The following SMARCA2 variants were observed in gnomAD, a reference collection of about 807,000 sequenced individuals.
The protein encoded by SMARCA2 is SWI/SNF-related matrix-associated actin-dependent regulator of chromatin subfamily A member 2.
In SMARCA2, 61 loss-of-function variants were observed where a neutral mutation model predicts 199.8. The ratio of observed to expected loss-of-function variants is 0.31; its 90% confidence interval spans 0.25 to 0.38. The LOEUF (loss-of-function observed/expected upper bound fraction) is 0.38. Among genes scored for constraint, SMARCA2 ranks in the 10% least tolerant of loss-of-function variants. SMARCA2 has a pLI of 1.00. For missense variants in SMARCA2, 1,344 were observed against 2,012.2 expected (o/e 0.67, Z 6.35); for synonymous variants, 935 against 732.0 (o/e 1.28, Z -4.48).
chr9:2,087,175 C>A, intron 18 of SMARCA2, 104 bp downstream of exon 18: 3 of 1,391,412 alleles, frequency 2.2e-6, no homozygotes, highest in Non-Finnish European at 3.0e-6. Flanking sequence ...AGGGTGGTTT[C>A]CACTGTTGTT....
At chr9:2,078,341 A>G (rs1027471318) in intron 14 of SMARCA2, among the ~76,000 whole-genome samples, 6 of 151,752 alleles carry the variant, frequency 4.0e-5, no homozygotes, top group South Asian at 4.2e-4. Context: ...GTGTGGTGGC[A>G]CATGCCTGTA....
intron 3 of SMARCA2, 136 bp downstream of exon 3, chr9:2,033,217 A>G: frequency 1.1e-6 from 1 of 898,798 alleles, no homozygotes; most frequent in Non-Finnish European, 1.7e-6. Flanking sequence ...TCCTTATGGA[A>G]ATCTACCTCC....
intron 17 of SMARCA2, among the ~76,000 whole-genome samples, chr9:2,084,918 T>C (rs1821736183): frequency 6.6e-6 from 1 of 152,240 alleles, no homozygotes; most frequent in Admixed American, 6.5e-5. Flanking sequence ...GGAAGTGCTC[T>C]CTTTCGTGGA....
intron 23 of SMARCA2, among the ~76,000 whole-genome samples, chr9:2,105,412 A>T (rs971519707): frequency 2.1e-4 from 31 of 146,062 alleles, no homozygotes; most frequent in African/African-American, 7.5e-4. Flanking sequence ...CGCCCGGCTA[A>T]TTTTTTTTTT....
chr9:2,024,953 G>A (rs1295353763), intron 1 of SMARCA2, among the ~76,000 whole-genome samples: 1 of 152,188 alleles, frequency 6.6e-6, no homozygotes, highest in Non-Finnish European at 1.5e-5. Context: ...GGGGTCTTTG[G>A]TGTTTCTGTT....
intron 5 of SMARCA2, among the ~76,000 whole-genome samples, chr9:2,052,945 A>G (rs1302583903): frequency 1.3e-5 from 2 of 152,206 alleles, no homozygotes; most frequent in African/African-American, 4.8e-5. Flanking sequence ...TCATGTTTGG[A>G]AAAAACTGTA....
At chr9:2,111,638 TGGCAG>T (rs1394521002) in intron 24 of SMARCA2, among the ~76,000 whole-genome samples, 2 of 152,100 alleles carry the variant, frequency 1.3e-5, no homozygotes, top group African/African-American at 4.8e-5. Flanking sequence ...GAAGACTGAG[TGGCAG>T]TGCCATATAG....
chr9:2,096,301 T>C (rs1195968610), intron 19 of SMARCA2, among the ~76,000 whole-genome samples: 1 of 152,224 alleles, frequency 6.6e-6, no homozygotes, highest in East Asian at 1.9e-4. Flanking sequence ...AAAGGAAGTA[T>C]AATTGGGAAG....
chr9:2,143,810 T>C (rs771137465), intron 27 of SMARCA2, among the ~76,000 whole-genome samples: 5 of 152,208 alleles, frequency 3.3e-5, no homozygotes, highest in South Asian at 2.1e-4. Context: ...GAATTCCCAA[T>C]TGGTGACTCC....
intron 17 of SMARCA2, among the ~76,000 whole-genome samples, chr9:2,085,540 C>T (rs776975339): frequency 1.1e-4 from 17 of 152,142 alleles, no homozygotes; most frequent in Non-Finnish European, 1.9e-4. Flanking sequence ...TTTTTGTCTG[C>T]TTGCCTCTTT....
Position 2,084,370 on chromosome 9 carries a change from CTGTGTGTGTG to C in SMARCA2, c.2526+212_2526+221del, listed in dbSNP as rs3057851. Among the ~76,000 whole-genome samples the C allele has an allele frequency of 0.041, 5,461 of 132,372 alleles. 151 individuals carry two copies. The highest frequency in any genetic ancestry group is 0.077 in the African/African-American group (2,653 of 34,410). The allele number at this position is 132,372 out of a possible 152,430, so 86.8% of individuals were successfully genotyped here. ...GGTCGTGGATTTGATTTCATGCATG[CTGTGTGTGTG>C]TGTGTGTGTGTGTGTGTGTGTGTGT... On this transcript the variant is annotated intron_variant, in intron 17 of 33. Coordinates refer to ENST00000349721, the MANE Select transcript of SMARCA2 (RefSeq NM_003070.5).
chr9:2,067,477 A>G (rs1216474063), intron 9 of SMARCA2, among the ~76,000 whole-genome samples: 1 of 152,222 alleles, frequency 6.6e-6, no homozygotes, highest in African/African-American at 2.4e-5. Flanking sequence ...TCCTCGGACT[A>G]TCGTTGACCC....
intron 3 of SMARCA2, among the ~76,000 whole-genome samples, chr9:2,035,723 A>T (rs1819300319): frequency 1.3e-5 from 2 of 152,222 alleles, no homozygotes; most frequent in Non-Finnish European, 1.5e-5. Flanking sequence ...AATTTCAATG[A>T]AGTATAATAA....
At chr9:2,067,095 TCTTAGAATAACATGGCAGAATTAGGTC>T (rs1367293580) in intron 9 of SMARCA2, among the ~76,000 whole-genome samples, 1 of 152,216 alleles carries the variant, frequency 6.6e-6, no homozygotes. Flanking sequence ...GGCCTCTATC[TCTTAGAATAACATGGCAGAATTAGGTC>T]CAAGGACAGG....
chr9:2,039,933 A>G lies in SMARCA2; in HGVS notation c.790+33A>G, dbSNP rs920394216. The G allele has an allele frequency of 1.4e-5, 23 of 1,608,408 alleles. No homozygotes were observed. The highest frequency in any genetic ancestry group is 1.3e-4 in the Admixed American group (8 of 59,942). ...AATACGCAACCAAATGAATAATGCC[A>G]TGGTCCAACTCGGATAACAAAGACT... On this transcript the variant is annotated intron_variant, in intron 4 of 33. Coordinates refer to ENST00000349721, the MANE Select transcript of SMARCA2 (RefSeq NM_003070.5). This position sits in a 1 kb window ranked among gnomAD's most constrained non-coding sequence, Gnocchi z 4.8.
intron 3 of SMARCA2, among the ~76,000 whole-genome samples, chr9:2,038,539 A>G (rs530875151): frequency 6.3e-4 from 96 of 152,332 alleles, no homozygotes; most frequent in Non-Finnish European, 8.2e-4. Context: ...TTGCAGGAGT[A>G]TAAGTACCCC....
At position 2,192,920 on chromosome 9, in the gene SMARCA2, C is replaced by T. The variant is rs180701505; in HGVS notation, c.*181C>T. On this transcript the variant is annotated 3_prime_UTR_variant, in exon 34 of 34. Coordinates refer to ENST00000349721, the MANE Select transcript of SMARCA2 (RefSeq NM_003070.5). ...TCATGGTGTAAAAAACACACACATA[C>T]ACAAATATTTGTAACATATTGTGAC... The T allele has an allele frequency of 1.6e-3, 898 of 563,744 alleles. 29 individuals are homozygous for T. In the Admixed American group the frequency reaches 0.028, roughly 18 times the overall value. 34.9% of individuals were successfully genotyped at this position (563,744 alleles called of 1,614,324 possible).
chr9:2,031,015 C>T (rs1819043743), intron 2 of SMARCA2, among the ~76,000 whole-genome samples: 1 of 152,182 alleles, frequency 6.6e-6, no homozygotes, highest in Non-Finnish European at 1.5e-5. Flanking sequence ...GCTTGTTGTA[C>T]ATGCTTTTTC....
intron 1 of SMARCA2, among the ~76,000 whole-genome samples, chr9:2,019,155 C>G (rs1394953613): frequency 1.3e-5 from 2 of 151,822 alleles, no homozygotes; most frequent in African/African-American, 4.8e-5. Context: ...AAAAAACAAC[C>G]CAGTAGATCA....
Sources: allele counts gnomAD v4.1 joint callset (sites outside exome capture counted in the v4.1 genomes callset), GRCh38; gene constraint gnomAD v4.1.1; non-coding constraint Gnocchi (gnomAD v3.1); transcripts MANE v1.5; gene names NCBI Gene and HGNC (gene_info 2026-07-23, HGNC 2026-07-21).